The following GID4 variants were observed in gnomAD, a reference collection of about 807,000 sequenced individuals.
GID4 encodes the protein glucose-induced degradation protein 4 homolog.
A neutral mutation model predicts 32.4 loss-of-function variants in GID4; 7 were observed. The ratio of observed to expected loss-of-function variants is 0.22; its 90% CI spans 0.12 to 0.41. GID4 has a LOEUF of 0.41. GID4 is among the 10% of genes least tolerant of loss of function. The pLI is 1.00. For missense variants in GID4, 309 were observed against 400.0 expected, an observed-to-expected ratio of 0.77 and a Z score of 1.94; for synonymous variants, 166 against 170.0, an observed-to-expected ratio of 0.98 and a Z score of 0.18.
chr17:18,063,893 C>A (rs1202367646), intron 5 of GID4, among the ~76,000 whole-genome samples: 1 of 152,158 alleles, frequency 6.6e-6, no homozygotes, highest in Non-Finnish European at 1.5e-5. Context: ...CAGGCGCCTG[C>A]CACCACGTCT....
At chr17:18,052,702 A>G (rs2044924131) in intron 2 of GID4, among the ~76,000 whole-genome samples, 1 of 152,206 alleles carries the variant, frequency 6.6e-6, no homozygotes, top group Non-Finnish European at 1.5e-5. Context: ...TTTTAAAATC[A>G]TTGGTGCCTA....
At chr17:18,049,821 G>A (rs1294112060) in intron 2 of GID4, among the ~76,000 whole-genome samples, 2 of 152,042 alleles carry the variant, frequency 1.3e-5, no homozygotes, top group African/African-American at 4.8e-5. Context: ...GTAGAGATGG[G>A]GTTTCACCAT....
intron 4 of GID4, among the ~76,000 whole-genome samples, chr17:18,060,811 G>A (rs2045012019): frequency 6.6e-6 from 1 of 152,148 alleles, no homozygotes; most frequent in Admixed American, 6.5e-5. Flanking sequence ...TCGGTTCTCT[G>A]CAACCTCCCC....
chr17:18,063,562 A>G (rs11658037), intron 5 of GID4, among the ~76,000 whole-genome samples: 6,487 of 152,174 alleles, frequency 0.043, 132 homozygotes, highest in African/African-American at 0.049. Context: ...GGCAACCACT[A>G]GTCTTTCTCT....
rs545747615 is a variant in GID4 at position 18,066,431 on chromosome 17, A to G, written c.*1188A>G. 1 of 146,370 alleles carries G rather than the reference A, an allele frequency of 6.8e-6. No individual in the cohort carries two copies. The highest frequency in any genetic ancestry group is 6.8e-5 in the Admixed American group (1 of 14,660). 9.1% of individuals were successfully genotyped at this position (146,370 alleles called of 1,614,324 possible). A position where few individuals can be genotyped will look rare whatever the true frequency, so the allele number is the denominator to read the frequency against. On this transcript the variant is annotated 3_prime_UTR_variant, in exon 6 of 6. Transcript: ENST00000268719. ...TGGGAAACATGAACATGCTCAAATA[A>G]CTCGAGGCTCACGTGCCAAAGTGTG...
At chr17:18,058,335 G>A (rs551543715) in intron 3 of GID4, among the ~76,000 whole-genome samples, 1 of 152,218 alleles carries the variant, frequency 6.6e-6, no homozygotes, top group South Asian at 2.1e-4. Flanking sequence ...GTATTCATGG[G>A]GGTCCTGGAA....
At chr17:18,045,052 A>ACC in intron 1 of GID4, 95 bp from the exon 2 acceptor site, 18 of 918,720 alleles carry the variant, frequency 2.0e-5, no homozygotes, top group Non-Finnish European at 3.0e-5. Context: ...TTCACTGACC[A>ACC]CCAGTCTGGC....
intron 2 of GID4, among the ~76,000 whole-genome samples, chr17:18,051,007 A>G (rs907073096): frequency 6.6e-6 from 1 of 152,168 alleles, no homozygotes; most frequent in African/African-American, 2.4e-5. Flanking sequence ...CTCATTTATT[A>G]GGTATTTATT....
intron 3 of GID4, 24 bp downstream of exon 3, chr17:18,054,258 G>A (rs774206963): frequency 1.5e-6 from 2 of 1,350,450 alleles, no homozygotes; most frequent in Admixed American, 1.7e-5. Flanking sequence ...ATCTGTGCTG[G>A]GTCATCTAGG....
intron 5 of GID4, 159 bp downstream of exon 5, chr17:18,062,134 A>C: frequency 3.0e-6 from 2 of 668,600 alleles, no homozygotes; most frequent in Non-Finnish European, 5.2e-6. Flanking sequence ...TCAGTTGCTC[A>C]CAATAAGGCC....
chr17:18,050,176 A>G (rs902110235), intron 2 of GID4, among the ~76,000 whole-genome samples: 2 of 152,188 alleles, frequency 1.3e-5, no homozygotes, highest in African/African-American at 2.4e-5. Flanking sequence ...GAATAGTGCT[A>G]CAGTGAACAT....
chr17:18,044,941 A>G (rs1314680285), intron 1 of GID4, among the ~76,000 whole-genome samples: 1 of 152,164 alleles, frequency 6.6e-6, no homozygotes, highest in Non-Finnish European at 1.5e-5. Context: ...AAGAAAGTTG[A>G]GAGGGTCTTG....
At chr17:18,054,628 G>C (rs1238873926) in intron 3 of GID4, among the ~76,000 whole-genome samples, 1 of 152,168 alleles carries the variant, frequency 6.6e-6, no homozygotes, top group Non-Finnish European at 1.5e-5. Context: ...GGGCTGGCAT[G>C]AGATGGAGAT....
chr17:18,048,665 AAG>A (rs1220633225), intron 2 of GID4, among the ~76,000 whole-genome samples: 1 of 149,924 alleles, frequency 6.7e-6, no homozygotes, highest in African/African-American at 2.5e-5. Flanking sequence ...GTTTTTGAGG[AAG>A]AGTCTTGCTC....
chr17:18,047,542 G>A (rs542470286), intron 2 of GID4, among the ~76,000 whole-genome samples: 82 of 152,356 alleles, frequency 5.4e-4, no homozygotes, highest in African/African-American at 2.0e-3. Flanking sequence ...CCCGTGAGTC[G>A]AGAGCAGCAG....
chr17:18,058,731 C>CT, intron 3 of GID4, 137 bp from the exon 4 acceptor site: 1 of 613,536 alleles, frequency 1.6e-6, no homozygotes, highest in Non-Finnish European at 2.9e-6. Flanking sequence ...GTTACTTGGT[C>CT]TTAGCTGCCC....
intron 2 of GID4, among the ~76,000 whole-genome samples, chr17:18,046,903 CAA>C (rs2044859027): frequency 8.5e-6 from 1 of 117,432 alleles, no homozygotes; most frequent in Non-Finnish European, 1.6e-5. Context: ...GCCTGAGCAA[CAA>C]GAGCGAAACT....
rs762847388 is a variant in GID4, at chr17:18,054,224, G to A, written c.596G>A (p.Arg199Gln). Residue 199 changes from arginine (R) to glutamine (Q), a missense_variant, in exon 3 of 6, where the codon CGG (arginine) becomes CAG (glutamine). Coordinates refer to ENST00000268719, the MANE Select transcript of GID4 (RefSeq NM_024052.5). ...RKWDADEDVD[R>Q]KHWGKFLAFY... is the part of the protein sequence containing the mutation. Reference sequence around the variant, plus strand: ...TGGGATGCAGATGAAGATGTTGATCGGAAACACTGGGTGAGTAAATCTGAT... The same window carrying A: ...TGGGATGCAGATGAAGATGTTGATCAGAAACACTGGGTGAGTAAATCTGAT... 6.3e-6 allele frequency: 10 copies of A among 1,595,740 alleles called. No homozygotes were observed. Among genetic ancestry groups the A allele is most frequent in the East Asian group, 2.2e-5 (1 of 44,792 alleles).
chr17:18,047,623 C>CTCT, intron 2 of GID4, among the ~76,000 whole-genome samples: 1 of 152,346 alleles, frequency 6.6e-6, no homozygotes, highest in East Asian at 1.9e-4. Flanking sequence ...GAGCCCTAGG[C>CTCT]TCTTAACAGA....
Sources: allele counts gnomAD v4.1 joint callset (sites outside exome capture counted in the v4.1 genomes callset), GRCh38; gene constraint gnomAD v4.1.1; transcripts MANE v1.5; gene names NCBI Gene and HGNC (gene_info 2026-07-23, HGNC 2026-07-21).